The following SH3RF3 variants were observed in gnomAD, a reference collection of about 807,000 sequenced individuals.
The protein encoded by SH3RF3 is SH3 domain containing ring finger 3.
A neutral mutation model predicts 66.3 loss-of-function variants in SH3RF3; 29 were observed. The observed-to-expected ratio is 0.44, with a 90% confidence interval of 0.33 to 0.60. The LOEUF is 0.60. Among genes scored for constraint, SH3RF3 ranks in the 20% least tolerant of loss-of-function variants. The pLI, the probability that SH3RF3 is intolerant of heterozygous loss-of-function variation, is 0.04. For missense variants in SH3RF3, 1,194 were observed against 1,190.9 expected, an observed-to-expected ratio of 1.00 and a Z score of -0.04; for synonymous variants, 583 against 532.0, an observed-to-expected ratio of 1.10 and a Z score of -1.32.
chr2:109,347,519 C>A (rs550264927), intron 1 of SH3RF3, among the ~76,000 whole-genome samples, 155 bp from the exon 2 acceptor site: 4 of 152,280 alleles, frequency 2.6e-5, no homozygotes, highest in Admixed American at 2.6e-4. Context: ...CTGTGACAGG[C>A]TGTTTCTTTA....
intron 1 of SH3RF3, among the ~76,000 whole-genome samples, chr2:109,143,838 A>G (rs927456121): frequency 1.3e-5 from 2 of 151,940 alleles, no homozygotes; most frequent in Non-Finnish European, 1.5e-5. Context: ...ACACACGTAT[A>G]TACACAAACA....
At chr2:109,185,905 C>T (rs1427481061) in intron 1 of SH3RF3, among the ~76,000 whole-genome samples, 2 of 152,214 alleles carry the variant, frequency 1.3e-5, no homozygotes, top group East Asian at 1.9e-4. Context: ...TGGATGCATC[C>T]TCCCCCAGCT....
intron 1 of SH3RF3, among the ~76,000 whole-genome samples, chr2:109,273,624 A>G (rs1439843489): frequency 2.0e-5 from 3 of 152,226 alleles, no homozygotes; most frequent in Admixed American, 6.5e-5. Context: ...CTCCTCTGCT[A>G]GAGCTTATGG....
intron 8 of SH3RF3, among the ~76,000 whole-genome samples, chr2:109,480,865 G>A (rs1334113255): frequency 2.0e-5 from 3 of 152,264 alleles, no homozygotes; most frequent in South Asian, 2.1e-4. Context: ...TGGAGCTTGG[G>A]GCATCTGTGG....
chr2:109,497,715 A>G (rs147326751), intron 9 of SH3RF3, among the ~76,000 whole-genome samples: 1 of 152,216 alleles, frequency 6.6e-6, no homozygotes, highest in Non-Finnish European at 1.5e-5. Flanking sequence ...AACGTTAAAC[A>G]CTTGTCTCGT....
chr2:109,202,281 G>A (rs1194608844), intron 1 of SH3RF3, among the ~76,000 whole-genome samples: 3 of 152,128 alleles, frequency 2.0e-5, no homozygotes, highest in East Asian at 3.9e-4. Context: ...GGTCCATCTC[G>A]GCAGCGTCTG....
intron 3 of SH3RF3, among the ~76,000 whole-genome samples, chr2:109,392,939 G>A (rs903979476): frequency 2.6e-5 from 4 of 152,284 alleles, no homozygotes; most frequent in East Asian, 3.9e-4. Flanking sequence ...TGAGGAGGGC[G>A]AAGGAACCAG....
intron 4 of SH3RF3, among the ~76,000 whole-genome samples, chr2:109,411,842 A>AAT (rs1329182519): frequency 6.6e-6 from 1 of 152,224 alleles, no homozygotes; most frequent in African/African-American, 2.4e-5. Flanking sequence ...AGCTCTAAGT[A>AAT]ATAGCTTACT....
At chr2:109,343,282 C>A (rs1476897660) in intron 1 of SH3RF3, among the ~76,000 whole-genome samples, 1 of 152,192 alleles carries the variant, frequency 6.6e-6, no homozygotes, top group South Asian at 2.1e-4. Context: ...GGGTGTCACC[C>A]ATGTGAGCAT....
intron 1 of SH3RF3, among the ~76,000 whole-genome samples, chr2:109,337,741 T>A (rs115766860): frequency 0.022 from 3,365 of 152,142 alleles, 54 homozygotes; most frequent in South Asian, 0.048. Flanking sequence ...TCCCCCTTTT[T>A]TTTTGAGACA....
chr2:109,329,069 A>G (rs1270023360), intron 1 of SH3RF3, among the ~76,000 whole-genome samples: 3 of 151,940 alleles, frequency 2.0e-5, no homozygotes, highest in African/African-American at 7.3e-5. Flanking sequence ...ATCCTCTCAC[A>G]TTTCTTCTGG....
rs375528339 is a variant in SH3RF3 at position 109,503,213 on chromosome 2, A to G, written c.*1542A>G. 7.2e-5 allele frequency: 11 copies of G among 152,212 alleles called. No individual in the cohort carries two copies. Among genetic ancestry groups the G allele is most frequent in the African/African-American group, 2.7e-4 (11 of 41,440 alleles). 9.4% of individuals were successfully genotyped at this position (152,212 alleles called of 1,614,324 possible). A position where few individuals can be genotyped will look rare whatever the true frequency, so the allele number is the denominator to read the frequency against. On this transcript the variant is annotated 3_prime_UTR_variant, in exon 10 of 10. Coordinates refer to ENST00000309415, the MANE Select transcript of SH3RF3 (RefSeq NM_001099289.3). ...TGATCCATCACCCCTCTCTCCACCT[A>G]TATTTTTACAAATACCATTCAGACT... is the stretch of plus-strand genomic sequence containing the variant.
chr2:109,355,026 T>A (rs1682919358), intron 2 of SH3RF3, among the ~76,000 whole-genome samples: 1 of 152,228 alleles, frequency 6.6e-6, no homozygotes, highest in African/African-American at 2.4e-5. Flanking sequence ...CACTTTATGT[T>A]CACAGCTCAG....
chr2:109,497,081 G>A (rs141056972), intron 9 of SH3RF3, among the ~76,000 whole-genome samples: 2,085 of 152,334 alleles, frequency 0.014, 33 homozygotes, highest in East Asian at 0.075. Flanking sequence ...TTGGCCCAGT[G>A]AGACCACGTT....
chr2:109,253,723 T>C (rs1680151417), intron 1 of SH3RF3, among the ~76,000 whole-genome samples: 1 of 152,138 alleles, frequency 6.6e-6, no homozygotes, highest in Non-Finnish European at 1.5e-5. Flanking sequence ...ATAGAACAGG[T>C]GGTTATTAAA....
chr2:109,188,701 C>T (rs554231620), intron 1 of SH3RF3, among the ~76,000 whole-genome samples: 61 of 152,282 alleles, frequency 4.0e-4, no homozygotes, highest in African/African-American at 9.9e-4. Context: ...GCAAGACCAC[C>T]TCCCACCACG....
chr2:109,228,365 A>C, intron 1 of SH3RF3, among the ~76,000 whole-genome samples: 1 of 152,124 alleles, frequency 6.6e-6, no homozygotes, highest in Non-Finnish European at 1.5e-5. Flanking sequence ...TGTGTGTTCT[A>C]TTTCCACATG....
chr2:109,262,973 C>T (rs1447113850), intron 1 of SH3RF3, among the ~76,000 whole-genome samples: 5 of 152,078 alleles, frequency 3.3e-5, no homozygotes, highest in African/African-American at 9.7e-5. Flanking sequence ...GCTGGGAGTA[C>T]AGGTGCCCGC....
chr2:109,137,159 C>G (rs1676834200), intron 1 of SH3RF3, among the ~76,000 whole-genome samples: 1 of 152,188 alleles, frequency 6.6e-6, no homozygotes, highest in Non-Finnish European at 1.5e-5. Context: ...CTCTGTTTAT[C>G]TGGCAGGAAT....
Sources: gnomAD v4.1 joint callset for allele counts (sites outside exome capture counted in the v4.1 genomes callset) on GRCh38, gnomAD v4.1.1 for gene constraint, MANE v1.5 for transcripts, NCBI Gene and HGNC (gene_info 2026-07-23, HGNC 2026-07-21) for gene names.